GRIA3: variants seen among roughly 807,000 people sequenced by gnomAD.
The protein encoded by GRIA3 is glutamate ionotropic receptor AMPA type subunit 3.
GRIA3 carries 3 observed loss-of-function variants against 63.0 expected under a neutral mutation model. The ratio of observed to expected loss-of-function variants is 0.05; its 90% CI spans 0.02 to 0.12. The LOEUF is 0.12. GRIA3 is among the 10% of genes least tolerant of loss of function. The pLI is 1.00. For missense variants in GRIA3, 347 were observed against 700.9 expected, an observed-to-expected ratio of 0.50 and a Z score of 5.70; for synonymous variants, 274 against 257.9, an observed-to-expected ratio of 1.06 and a Z score of -0.60.
chrX:123,448,140 A>G (rs2045712464), intron 12 of GRIA3, among the ~76,000 whole-genome samples: 1 of 112,675 alleles, frequency 8.9e-6, no homozygotes, highest in South Asian at 3.6e-4. Context: ...AAATAAGAAC[A>G]GCAAGAATAT....
chrX:123,283,733 G>A (rs1473918151), intron 3 of GRIA3, among the ~76,000 whole-genome samples: 1 of 112,604 alleles, frequency 8.9e-6, no homozygotes, highest in Non-Finnish European at 1.9e-5. Flanking sequence ...CTGAAAGAAA[G>A]GCAGCAGCCC....
chrX:123,238,730 A>G (rs1376185592), intron 2 of GRIA3, among the ~76,000 whole-genome samples: 12 of 103,012 alleles, frequency 1.2e-4, no homozygotes, highest in Non-Finnish European at 2.5e-4. Flanking sequence ...AAGAAAGATT[A>G]GTTTTCCTTT....
chrX:123,243,347 A>T (rs755228529), intron 2 of GRIA3, among the ~76,000 whole-genome samples: 181 of 112,088 alleles, frequency 1.6e-3, no homozygotes, highest in Non-Finnish European at 2.8e-3. Flanking sequence ...CCTTACCAAC[A>T]TCTAACAAGG....
chrX:123,296,084 T>G (rs2044683750), intron 3 of GRIA3, among the ~76,000 whole-genome samples: 1 of 111,564 alleles, frequency 9.0e-6, no homozygotes, highest in Non-Finnish European at 1.9e-5. Flanking sequence ...GATGCAACCT[T>G]GACTGTTTAT....
chrX:123,289,156 A>G (rs1165197267), intron 3 of GRIA3, among the ~76,000 whole-genome samples: 1 of 111,255 alleles, frequency 9.0e-6, no homozygotes, highest in Non-Finnish European at 1.9e-5. Flanking sequence ...ATTCTCAGCA[A>G]ACTGATGCAG....
rs1297105927 is a variant in GRIA3 at position 123,253,434 on chromosome X, G to A, written c.400G>A (p.Asp134Asn). ...TACGCCTAGCTTCCCCACTGACGCA[G>A]ATGTGCAGTTTGTCATCCAGATGCG... ...FVTPSFPTDADVQFVIQMRPA... is the reference protein window; with the variant it reads ...FVTPSFPTDANVQFVIQMRPA... The change falls in exon 3 of 16, where the codon GAT becomes AAT. Residue 134 changes from aspartate to asparagine, a missense_variant. Transcript: ENST00000620443. 2 of 1,211,496 alleles carry A rather than the reference G, an allele frequency of 1.7e-6. No homozygotes were observed. The highest frequency in any genetic ancestry group is 2.2e-6 in the Non-Finnish European group (2 of 895,234).
At chrX:123,361,101 C>T (rs2147354274) in intron 5 of GRIA3, 1 of 110,744 alleles carries the variant, frequency 9.0e-6, no homozygotes, top group African/African-American at 3.3e-5. Context: ...AGGAAGTGAA[C>T]TCTGCAGCTC....
At chrX:123,248,815 A>G (rs1328149746) in intron 2 of GRIA3, among the ~76,000 whole-genome samples, 2 of 111,948 alleles carry the variant, frequency 1.8e-5, no homozygotes, top group African/African-American at 6.5e-5. Context: ...AGAAAAAAAG[A>G]GAAATGGGTG....
At chrX:123,189,353 T>C (rs1287733517) in intron 2 of GRIA3, among the ~76,000 whole-genome samples, 1 of 112,317 alleles carries the variant, frequency 8.9e-6, no homozygotes, top group East Asian at 2.8e-4. Flanking sequence ...ACAGATTCAA[T>C]AGTCCTAAGG....
At chrX:123,403,353 C>A in intron 8 of GRIA3, 59 bp from the exon 9 acceptor site, 1 of 774,676 alleles carries the variant, frequency 1.3e-6, no homozygotes, top group Non-Finnish European at 2.0e-6. Context: ...ACTTCAATTT[C>A]ATGCAGTACT....
At chrX:123,454,961 C>T (rs968236369) in intron 12 of GRIA3, among the ~76,000 whole-genome samples, 3 of 111,818 alleles carry the variant, frequency 2.7e-5, no homozygotes, top group East Asian at 5.6e-4. Flanking sequence ...TTGTCACCTG[C>T]ACCTTTGGAA....
intron 12 of GRIA3, among the ~76,000 whole-genome samples, chrX:123,456,635 T>C (rs1363069469): frequency 9.1e-6 from 1 of 110,240 alleles, no homozygotes; most frequent in African/African-American, 3.3e-5. Context: ...CACATTGTCC[T>C]CTTCCAATCC....
chrX:123,211,974 GA>G (rs1216160660), intron 2 of GRIA3, among the ~76,000 whole-genome samples: 1 of 111,490 alleles, frequency 9.0e-6, no homozygotes, highest in Non-Finnish European at 1.9e-5. Context: ...CAAATTAATA[GA>G]CTTGGTATTC....
chrX:123,255,480 G>A (rs1040338304), intron 3 of GRIA3, among the ~76,000 whole-genome samples: 1 of 110,036 alleles, frequency 9.1e-6, no homozygotes, highest in Admixed American at 9.8e-5. Flanking sequence ...ACTGAACTTT[G>A]TAAGTCAGGC....
At chrX:123,391,752 C>G (rs1226809306) in intron 5 of GRIA3, among the ~76,000 whole-genome samples, 1 of 112,106 alleles carries the variant, frequency 8.9e-6, no homozygotes, top group Admixed American at 9.4e-5. Flanking sequence ...ACACAATCCT[C>G]TGACTCCCAA....
chrX:123,390,797 C>T (rs920756780), intron 5 of GRIA3, among the ~76,000 whole-genome samples: 3 of 111,415 alleles, frequency 2.7e-5, no homozygotes, highest in African/African-American at 9.8e-5. Flanking sequence ...TTTACAGTGT[C>T]CTATATGTCA....
intron 2 of GRIA3, chrX:123,204,401 C>T (rs774524815): frequency 2.4e-5 from 28 of 1,152,410 alleles, no homozygotes; most frequent in Admixed American, 2.6e-5. Flanking sequence ...CTGTTCAAGG[C>T]GTTACAGGTG....
At chrX:123,255,878 T>C (rs944666886) in intron 3 of GRIA3, among the ~76,000 whole-genome samples, 5 of 111,049 alleles carry the variant, frequency 4.5e-5, no homozygotes, top group Non-Finnish European at 7.5e-5. Flanking sequence ...ATTACTGTAC[T>C]AGGATCCTGT....
chrX:123,453,547 T>TA (rs2045746038), intron 12 of GRIA3, among the ~76,000 whole-genome samples: 2 of 108,205 alleles, frequency 1.8e-5, no homozygotes, highest in South Asian at 8.0e-4. Flanking sequence ...TAATAAAAAA[T>TA]AAAAAATAAT....
Sources: gnomAD v4.1 joint callset for allele counts (sites outside exome capture counted in the v4.1 genomes callset) on GRCh38, gnomAD v4.1.1 for gene constraint, MANE v1.5 for transcripts, NCBI Gene and HGNC (gene_info 2026-07-23, HGNC 2026-07-21) for gene names.